IL3RA: variants seen among roughly 807,000 people sequenced by gnomAD.
IL3RA encodes interleukin-3 receptor subunit alpha.
Under a neutral mutation model 52.3 loss-of-function variants are expected in IL3RA, and 73 were observed. The observed-to-expected ratio is 1.40, with a 90% CI of 1.16 to 1.70. The LOEUF (loss-of-function observed/expected upper bound fraction) is 1.70. Among genes scored for constraint, IL3RA ranks in the 40% most tolerant of loss-of-function variants. The pLI is 0.00. For missense variants in IL3RA, 664 were observed against 504.4 expected (o/e 1.32, Z -3.03); for synonymous variants, 260 against 194.0 (o/e 1.34, Z -2.83).
intron 8 of IL3RA, 36 bp from the exon 9 acceptor site, chrX:1,365,102 C>T (rs775401965): frequency 2.0e-6 from 3 of 1,510,798 alleles, no homozygotes; most frequent in Admixed American, 1.7e-5. Flanking sequence ...AGCCACCATA[C>T]CTGGCCCCTC....
chrX:1,344,986 CG>C lies in IL3RA; in HGVS notation c.65-329del, dbSNP rs1186074977. ...GACCATCCTGGCTAACACGGTGAAA[CG>C]CCATCTCTACTAAAAATACAAAAAA... On this transcript the variant is annotated intron_variant, in intron 2 of 11. Transcript: ENST00000331035. 1.6e-4 allele frequency among the ~76,000 whole-genome samples: 22 copies of C among 138,532 alleles called. No homozygotes were observed. In the South Asian group the frequency reaches 4.5e-3, roughly 28 times the overall value. 90.9% of individuals were successfully genotyped at this position (138,532 alleles called of 152,430 possible).
At position 1,348,441 on chromosome X, in the gene IL3RA, ATAGCTATTGCCAGTTTGGAGCAATTTCCT is replaced by A; in HGVS notation, c.197_225del (p.Ser66MetfsTer2). On this transcript the variant is annotated frameshift_variant, in exon 4 of 12. Transcript: ENST00000331035. LOFTEE classifies it high-confidence loss of function. ...CTATGTCTCTCTTAGGCAGTGAACA[ATAGCTATTGCCAGTTTGGAGCAATTTCCT>A]TATGTGAAGTGACCAACTACACCGT... The A allele has an allele frequency of 6.2e-7, 1 of 1,613,246 alleles. No homozygotes were observed. The highest frequency in any genetic ancestry group is 8.5e-7 in the Non-Finnish European group (1 of 1,179,226).
rs867594221 is a variant in IL3RA, at chrX:1,365,436, C to A, written c.874+184C>A. Among the ~76,000 whole-genome samples, 113 of 10,922 alleles carry A rather than the reference C, an allele frequency of 0.01. No homozygotes were observed. Among genetic ancestry groups the A allele is most frequent in the Middle Eastern group, 0.045 (1 of 22 alleles). The allele number at this position is 10,922 out of a possible 152,430, so 7.2% of individuals were successfully genotyped here. On this transcript the variant is annotated intron_variant, in intron 9 of 11. Transcript: ENST00000331035. ...CGGGGTGAGCGGGGTGAGCGGGGTG[C>A]GCGGGGTGAGCGGGGTGAGCGGGGT... is the stretch of plus-strand genomic sequence containing the variant.
chrX:1,352,745 G>T (rs1420869210), intron 6 of IL3RA, among the ~76,000 whole-genome samples: 1 of 152,162 alleles, frequency 6.6e-6, no homozygotes, highest in Non-Finnish European at 1.5e-5. Context: ...GAGAGAGAGA[G>T]ATGAAGTTCT....
intron 1 of IL3RA, among the ~76,000 whole-genome samples, chrX:1,337,566 C>T (rs1368686232): frequency 1.3e-4 from 19 of 149,334 alleles, no homozygotes; most frequent in South Asian, 4.3e-4. Flanking sequence ...TGGAATATTA[C>T]GCAGCCATGA....
At chrX:1,356,363 C>T in intron 7 of IL3RA, 27 bp downstream of exon 7, 5 of 1,459,420 alleles carry the variant, frequency 3.4e-6, no homozygotes, top group South Asian at 2.4e-5. Flanking sequence ...CCCCCAGCCC[C>T]CCCACCCCCG....
intron 2 of IL3RA, among the ~76,000 whole-genome samples, chrX:1,343,012 T>C (rs1474121717): frequency 6.0e-5 from 9 of 150,776 alleles, no homozygotes; most frequent in Non-Finnish European, 1.0e-4. Context: ...GAGGAGGAGG[T>C]TGCAGTGAGC....
chrX:1,379,655 G>A (rs1226510777), intron 10 of IL3RA, among the ~76,000 whole-genome samples: 9 of 152,246 alleles, frequency 5.9e-5, no homozygotes, highest in South Asian at 2.1e-4. Context: ...CTTTCTGGTC[G>A]GGAAGGGGCC....
At chrX:1,356,512 G>C (rs1470306650) in intron 7 of IL3RA, among the ~76,000 whole-genome samples, 176 bp downstream of exon 7, 3 of 152,170 alleles carry the variant, frequency 2.0e-5, no homozygotes, top group Admixed American at 2.0e-4. Flanking sequence ...GCTCACGCCT[G>C]TCATCCCAGC....
chrX:1,343,775 CTT>C (rs763658712), intron 2 of IL3RA, among the ~76,000 whole-genome samples: 1,313 of 128,798 alleles, frequency 0.01, 21 homozygotes, highest in African/African-American at 0.036. Flanking sequence ...TTCTTTCTTT[CTT>C]TTTTTTTTTT....
intron 4 of IL3RA, among the ~76,000 whole-genome samples, 197 bp downstream of exon 4, chrX:1,348,742 C>CT (rs2085934376): frequency 7.4e-6 from 1 of 135,736 alleles, no homozygotes; most frequent in Non-Finnish European, 1.6e-5. Context: ...TTCTTTCTTT[C>CT]TTTCCTTCTT....
At chrX:1,347,043 G>GA (rs112332272) in intron 3 of IL3RA, among the ~76,000 whole-genome samples, 57,881 of 149,544 alleles carry the variant, frequency 0.39, 12,816 homozygotes, top group Middle Eastern at 0.6. Flanking sequence ...CACAAATGCT[G>GA]AAAAAAAAAC....
At chrX:1,365,001 G>A (rs2087807175) in intron 8 of IL3RA, 137 bp from the exon 9 acceptor site, 3 of 586,612 alleles carry the variant, frequency 5.1e-6, no homozygotes. Context: ...TAGAGACAGG[G>A]TTTCACCATG....
At chrX:1,380,911 G>A in intron 10 of IL3RA, 112 bp from the exon 11 acceptor site, 2 of 878,424 alleles carry the variant, frequency 2.3e-6, no homozygotes, top group South Asian at 2.9e-5. Context: ...TCGAGTAGAT[G>A]ACTTGAGTCT....
chrX:1,377,556 C>G (rs1266308113), intron 9 of IL3RA, among the ~76,000 whole-genome samples: 1 of 150,866 alleles, frequency 6.6e-6, no homozygotes, highest in Non-Finnish European at 1.5e-5. Context: ...TTCCTTTTTT[C>G]TGAAGCCACC....
chrX:1,364,470 A>G (rs770926442), intron 8 of IL3RA, among the ~76,000 whole-genome samples: 80 of 152,230 alleles, frequency 5.3e-4, no homozygotes, highest in African/African-American at 1.8e-3. Context: ...CAGCCTGGGC[A>G]ACAAGAGTGA....
In IL3RA at chrX:1,357,525, A is replaced by C. The variant is rs150630452; in HGVS notation, c.732+1189A>C. Among the ~76,000 whole-genome samples the C allele has an allele frequency of 5.9e-3, 885 of 150,390 alleles. 8 individuals carry two copies. Among genetic ancestry groups the C allele is most frequent in the African/African-American group, 0.021 (844 of 41,098 alleles). ...CAGGCACCTGCCACCATGCCTGGCT[A>C]ATTTTTTTTTGTATTTTTAGTAGAG... On this transcript the variant is annotated intron_variant, in intron 7 of 11. Transcript: ENST00000331035.
chrX:1,355,468 GGGA>G (rs1302357154), intron 6 of IL3RA, among the ~76,000 whole-genome samples: 3 of 142,882 alleles, frequency 2.1e-5, no homozygotes, highest in African/African-American at 2.6e-5. Flanking sequence ...TAGGAGGAGG[GGGA>G]GGAGGAGGAG....
chrX:1,338,809 G>GT (rs34889196), intron 1 of IL3RA, among the ~76,000 whole-genome samples: 31,689 of 151,252 alleles, frequency 0.21, 3,437 homozygotes, highest in Middle Eastern at 0.25. Context: ...AGAAGTGGTG[G>GT]TTTTTTTTGA....
Sources: gnomAD v4.1 joint callset for allele counts (sites outside exome capture counted in the v4.1 genomes callset) on GRCh38, gnomAD v4.1.1 for gene constraint, MANE v1.5 for transcripts, NCBI Gene and HGNC (gene_info 2026-07-23, HGNC 2026-07-21) for gene names.